RBFOX1: variants seen among roughly 807,000 people sequenced by gnomAD.
RBFOX1 encodes RNA binding protein fox-1 homolog 1.
A neutral mutation model predicts 57.7 loss-of-function variants in RBFOX1; 8 were observed. The ratio of observed to expected loss-of-function variants is 0.14; its 90% CI spans 0.08 to 0.25. RBFOX1 has a LOEUF of 0.25. Among genes scored for constraint, RBFOX1 ranks in the 10% least tolerant of loss-of-function variants. RBFOX1 has a pLI of 1.00. For synonymous variants in RBFOX1, 326 were observed against 222.4 expected (o/e 1.47, Z -4.15); for missense variants, 611 against 548.5 (o/e 1.11, Z -1.14).
At chr16:7,267,462 G>C (rs995715287) in intron 4 of RBFOX1, among the ~76,000 whole-genome samples, 1 of 152,166 alleles carries the variant, frequency 6.6e-6, no homozygotes, top group South Asian at 2.1e-4. Context: ...CTTGAACCTA[G>C]TAGGTGGAGG....
chr16:6,912,409 C>T (rs1184232736), intron 3 of RBFOX1, among the ~76,000 whole-genome samples: 1 of 152,012 alleles, frequency 6.6e-6, no homozygotes, highest in Non-Finnish European at 1.5e-5. Context: ...CACGGGGCTA[C>T]TGAAATGAGG....
At chr16:6,529,279 C>T (rs1341200764) in intron 2 of RBFOX1, among the ~76,000 whole-genome samples, 1 of 152,200 alleles carries the variant, frequency 6.6e-6, no homozygotes, top group South Asian at 2.1e-4. Context: ...ATAATTTACC[C>T]TGTCCAGGCA....
chr16:5,976,667 G>C (rs903163022), intron 4 of RBFOX1, among the ~76,000 whole-genome samples: 3 of 152,078 alleles, frequency 2.0e-5, no homozygotes, highest in African/African-American at 7.2e-5. Context: ...TCAGGAGTTC[G>C]AGACCAGCCT....
rs573484703 is a variant in RBFOX1, at chr16:7,586,006, G to C, written c.415-1241G>C. ...GGGAGAGATGGAATACAAAACCTCT[G>C]GGGGTCATAAAGGATGCAATTAAAA... On this transcript the variant is annotated intron_variant, in intron 6 of 15. Transcript: ENST00000550418. Among the ~76,000 whole-genome samples, 99 of 152,162 alleles carry C rather than the reference G, an allele frequency of 6.5e-4. 2 individuals are homozygous for C. The highest frequency in any genetic ancestry group is 6.0e-3 in the South Asian group (29 of 4,816).
At chr16:7,350,901 T>A (rs1047802884) in intron 4 of RBFOX1, among the ~76,000 whole-genome samples, 2 of 152,174 alleles carry the variant, frequency 1.3e-5, no homozygotes, top group Non-Finnish European at 2.9e-5. Flanking sequence ...TAATTGTTAA[T>A]GACCCAAGAA....
intron 2 of RBFOX1, among the ~76,000 whole-genome samples, chr16:6,399,902 C>G (rs551029044): frequency 6.6e-6 from 1 of 152,102 alleles, no homozygotes; most frequent in Admixed American, 6.5e-5. Flanking sequence ...AGGGAGAAGC[C>G]CTTTGTAAAA....
intron 1 of RBFOX1, among the ~76,000 whole-genome samples, chr16:5,317,215 A>G (rs1156251002): frequency 2.6e-5 from 4 of 151,544 alleles, no homozygotes; most frequent in African/African-American, 7.3e-5. Context: ...CTCTCTCTCA[A>G]TCTCTCGATA....
At chr16:6,607,731 G>A (rs942539143) in intron 2 of RBFOX1, among the ~76,000 whole-genome samples, 1 of 151,940 alleles carries the variant, frequency 6.6e-6, no homozygotes, top group Admixed American at 6.6e-5. Context: ...TTAGAATTTT[G>A]TGGTTTCCCC....
chr16:5,595,176 A>G (rs1468432904), intron 2 of RBFOX1, among the ~76,000 whole-genome samples: 1 of 152,080 alleles, frequency 6.6e-6, no homozygotes, highest in Non-Finnish European at 1.5e-5. Context: ...GTTTCCCCAA[A>G]GACATTTCCA....
At chr16:7,664,746 C>G (rs1446623252) in intron 12 of RBFOX1, 183 bp from the exon 13 acceptor site, 3 of 1,048,516 alleles carry the variant, frequency 2.9e-6, no homozygotes, top group African/African-American at 1.6e-5. Context: ...AAAGCCCGGC[C>G]TAATTTTCTC....
intron 1 of RBFOX1, among the ~76,000 whole-genome samples, chr16:6,143,002 G>A (rs543160292): frequency 6.6e-6 from 1 of 152,226 alleles, no homozygotes; most frequent in East Asian, 1.9e-4. Context: ...CAAGGTAATA[G>A]TATTTTTTCA....
chr16:6,193,197 C>G (rs1366263001), intron 1 of RBFOX1, among the ~76,000 whole-genome samples: 3 of 151,310 alleles, frequency 2.0e-5, no homozygotes, highest in Non-Finnish European at 2.9e-5. Context: ...TCATCCAAGG[C>G]TCTGGGGACT....
At chr16:6,801,092 C>T (rs190809010) in intron 3 of RBFOX1, among the ~76,000 whole-genome samples, 18 of 151,424 alleles carry the variant, frequency 1.2e-4, no homozygotes, top group Admixed American at 5.3e-4. Flanking sequence ...TGCGGATTGC[C>T]ATTCAGTAGA....
intron 4 of RBFOX1, among the ~76,000 whole-genome samples, chr16:7,215,932 C>T (rs1159145506): frequency 6.6e-6 from 1 of 152,056 alleles, no homozygotes; most frequent in Non-Finnish European, 1.5e-5. Context: ...ACCGTGTTAG[C>T]CAGGATGGTC....
chr16:6,870,838 C>T (rs187715279), intron 3 of RBFOX1, among the ~76,000 whole-genome samples: 62 of 152,246 alleles, frequency 4.1e-4, no homozygotes, highest in African/African-American at 1.3e-3. Context: ...TCTTGTCGCT[C>T]TGAGATTTAC....
At chr16:6,597,534 G>A (rs1023328909) in intron 2 of RBFOX1, among the ~76,000 whole-genome samples, 4 of 152,064 alleles carry the variant, frequency 2.6e-5, no homozygotes, top group African/African-American at 7.2e-5. Context: ...TTAGCCAGGC[G>A]TGGTTGCAGG....
At chr16:7,197,775 C>A (rs1602673143) in intron 4 of RBFOX1, among the ~76,000 whole-genome samples, 1 of 152,140 alleles carries the variant, frequency 6.6e-6, no homozygotes, top group Admixed American at 6.5e-5. Context: ...ATACATGCTA[C>A]AATGTAGATG....
intron 3 of RBFOX1, among the ~76,000 whole-genome samples, chr16:6,683,795 C>T (rs192027964): frequency 1.1e-4 from 16 of 152,314 alleles, no homozygotes; most frequent in Non-Finnish European, 1.9e-4. Context: ...GATTGCAATC[C>T]TCCTTCCACC....
chr16:6,856,346 C>A (rs1015209405), intron 3 of RBFOX1, among the ~76,000 whole-genome samples: 1 of 152,124 alleles, frequency 6.6e-6, no homozygotes, highest in Admixed American at 6.5e-5. Context: ...CGTCTGAATT[C>A]TGAGTAACTA....
Sources: gnomAD v4.1 joint callset for allele counts (sites outside exome capture counted in the v4.1 genomes callset) on GRCh38, gnomAD v4.1.1 for gene constraint, MANE v1.5 for transcripts, NCBI Gene and HGNC (gene_info 2026-07-23, HGNC 2026-07-21) for gene names.